Variants in RDH8 observed in about 807,000 individuals in gnomAD.
The protein encoded by RDH8 is photoreceptor outer segment all-trans retinol dehydrogenase.
Under a neutral mutation model 22.3 loss-of-function variants are expected in RDH8, and 14 were observed. The observed-to-expected ratio is 0.63, with a 90% CI of 0.42 to 0.98. The LOEUF is 0.98. RDH8 is among the 50% of genes least tolerant of loss of function. The pLI, the probability that RDH8 is intolerant of heterozygous loss-of-function variation, is 0.00. For synonymous variants in RDH8, 175 were observed against 171.7 expected (o/e 1.02, Z -0.15); for missense variants, 389 against 409.8 (o/e 0.95, Z 0.44).
chr19:10,017,136 C>CG lies in RDH8; in HGVS notation c.184dup (p.Val62GlyfsTer9). 1 of 1,611,342 alleles carries CG rather than the reference C, an allele frequency of 6.2e-7. No homozygotes were observed. Among genetic ancestry groups the CG allele is most frequent in the Non-Finnish European group, 8.5e-7 (1 of 1,178,260 alleles). On this transcript the variant is annotated frameshift_variant, in exon 2 of 6. Coordinates refer to ENST00000591589, the MANE Select transcript of RDH8 (RefSeq NM_015725.4). LOFTEE classifies it high-confidence loss of function. ...GGGAGGCTCTGGGGCAGACCCTCAC[C>CG]GTGGCCCAGCTGGACGTGTGCAGTG...
In RDH8 at chr19:10,017,105, C is replaced by T. The variant is rs1243515931; in HGVS notation, c.152C>T (p.Ala51Val). 6.2e-7 allele frequency: 1 copy of T among 1,604,826 alleles called. No homozygotes were observed. ...DLGKKETLEA[A>V]AGEALGQTLT... ...GGGAAGAAGGAGACACTGGAGGCAG[C>T]TGCTGGGGAGGCTCTGGGGCAGACC... Residue 51 changes from alanine (A) to valine (V), a missense_variant, in exon 2 of 6, where the codon GCT becomes GTT. Ala to Val is a moderately conservative substitution (Grantham distance 64). Coordinates refer to ENST00000591589, the MANE Select transcript of RDH8 (RefSeq NM_015725.4).
intron 3 of RDH8, among the ~76,000 whole-genome samples, chr19:10,020,131 A>C (rs1050609095): frequency 3.9e-5 from 6 of 151,924 alleles, no homozygotes; most frequent in African/African-American, 1.5e-4. Context: ...CCGCCAAAAA[A>C]AAATTAAATT....
In RDH8 at chr19:10,013,588, A is replaced by C; in HGVS notation, c.91A>C (p.Lys31Gln). The change falls in exon 1 of 6, where the codon AAG (lysine) becomes CAG (glutamine). Residue 31 changes from lysine (K) to glutamine (Q), a missense_variant. By Grantham distance (53) the Lys-to-Gln change is moderately conservative. Coordinates refer to ENST00000591589, the MANE Select transcript of RDH8 (RefSeq NM_015725.4). ...LAVQLAHDPKKRYQVVATMRD... is the reference protein window; with the variant it reads ...LAVQLAHDPKQRYQVVATMRD... The stretch of plus-strand genomic sequence containing the variant: ...AGTGCAACTGGCCCATGACCCCAAG[A>C]AGCGCTACCAGGGTAAGAAGTGCAG... 6.2e-7 allele frequency: 1 copy of C among 1,613,968 alleles called. No homozygotes were observed. Among genetic ancestry groups the C allele is most frequent in the Non-Finnish European group, 8.5e-7 (1 of 1,179,992 alleles).
intron 1 of RDH8, among the ~76,000 whole-genome samples, chr19:10,013,857 T>G (rs1438664797): frequency 6.6e-6 from 1 of 151,416 alleles, no homozygotes; most frequent in African/African-American, 2.4e-5. Context: ...AGAGGGAGAA[T>G]GGGTGATAAA....
chr19:10,017,245 G>T (rs1321647580), intron 2 of RDH8, 30 bp downstream of exon 2: 1 of 1,546,682 alleles, frequency 6.5e-7, no homozygotes, highest in Non-Finnish European at 8.8e-7. Context: ...GATTCACTAA[G>T]CCCCATCCTG....
intron 3 of RDH8, 37 bp downstream of exon 3, chr19:10,018,947 G>C (rs750905936): frequency 6.5e-7 from 1 of 1,546,622 alleles, no homozygotes; most frequent in Non-Finnish European, 8.8e-7. Context: ...AATCCCACCA[G>C]TGTCTGATCC....
At chr19:10,015,856 G>A (rs1341289362) in intron 1 of RDH8, among the ~76,000 whole-genome samples, 1 of 151,900 alleles carries the variant, frequency 6.6e-6, no homozygotes, top group Non-Finnish European at 1.5e-5. Context: ...GGAGGCTGAG[G>A]CAGGGGAATT....
chr19:10,018,860 G>C lies in RDH8; in HGVS notation c.392G>C (p.Arg131Thr). Reference sequence around the variant, plus strand: ...AAAGCTGTGCTTCCAGGCATGAAGAGGAGGCGGCAGGGCCACATCGTGGTG... The same window carrying C: ...AAAGCTGTGCTTCCAGGCATGAAGACGAGGCGGCAGGGCCACATCGTGGTG... ...LVKAVLPGMK[R>T]RRQGHIVVIS... Residue 131 changes from arginine (R) to threonine (T), a missense_variant, in exon 3 of 6, where the codon AGG becomes ACG. Transcript: ENST00000591589. 6.2e-7 allele frequency: 1 copy of C among 1,613,790 alleles called. No homozygotes were observed. Among genetic ancestry groups the C allele is most frequent in the Non-Finnish European group, 8.5e-7 (1 of 1,179,784 alleles).
intron 2 of RDH8, 52 bp downstream of exon 2, chr19:10,017,267 G>A (rs781359027): frequency 6.8e-7 from 1 of 1,471,704 alleles, no homozygotes; most frequent in Admixed American, 2.2e-5. Context: ...TCTGAGTATA[G>A]ACCCTCAATA....
intron 1 of RDH8, among the ~76,000 whole-genome samples, chr19:10,013,999 G>A (rs1215178083): frequency 6.6e-6 from 1 of 152,076 alleles, no homozygotes; most frequent in East Asian, 1.9e-4. Flanking sequence ...TCCTAGATTG[G>A]AATAATCACT....
chr19:10,020,838 C>T (rs1290196310), intron 4 of RDH8, 36 bp downstream of exon 4: 17 of 1,470,792 alleles, frequency 1.2e-5, no homozygotes, highest in Non-Finnish European at 1.5e-5. Context: ...GGCTTGGAGC[C>T]AGTGATGGGG....
Position 10,018,824 on chromosome 19 carries a change from T to C in RDH8, c.356T>C (p.Val119Ala). The C allele has an allele frequency of 6.2e-7, 1 of 1,613,940 alleles. No individual in the cohort carries two copies. The highest frequency in any genetic ancestry group is 1.1e-5 in the South Asian group (1 of 91,032). Residue 119 changes from valine to alanine, a missense_variant, in exon 3 of 6, where the codon GTC becomes GCC. Transcript: ENST00000591589. ...TTTGACACCAACTTTTTCGGAGCTGTCCGTCTCGTCAAAGCTGTGCTTCCA... is the reference window on the plus strand; with the variant it reads ...TTTGACACCAACTTTTTCGGAGCTGCCCGTCTCGTCAAAGCTGTGCTTCCA... Reference protein sequence around the residue: ...NVFDTNFFGAVRLVKAVLPGM... With the variant: ...NVFDTNFFGAARLVKAVLPGM...
chr19:10,017,019 G>A (rs1266430691), intron 1 of RDH8, 38 bp from the exon 2 acceptor site: 2 of 1,482,978 alleles, frequency 1.3e-6, no homozygotes, highest in Non-Finnish European at 1.8e-6. Context: ...GGGGAAAGGA[G>A]CTCAGTGCCT....
chr19:10,013,514 G>A lies in RDH8; in HGVS notation c.17G>A (p.Arg6Gln), dbSNP rs147164123. Residue 6 changes from arginine (R) to glutamine (Q), a missense_variant, in exon 1 of 6, where the codon CGG becomes CAG. Coordinates refer to ENST00000591589, the MANE Select transcript of RDH8 (RefSeq NM_015725.4). ...GGGATCAACATGGCCGCTGCACCCC[G>A]GACTGTGTTGATCTCCGGCTGCTCA... The part of the protein sequence containing the change: MAAAP[R>Q]TVLISGCSSG... 4.1e-5 allele frequency: 66 copies of A among 1,613,430 alleles called. No individual in the cohort carries two copies. The highest frequency in any genetic ancestry group is 1.6e-4 in the South Asian group (15 of 91,080).
chr19:10,021,175 T>TAAA, intron 4 of RDH8, 80 bp from the exon 5 acceptor site: 24 of 1,135,532 alleles, frequency 2.1e-5, no homozygotes, highest in Non-Finnish European at 2.8e-5. Flanking sequence ...CCCTGTATCT[T>TAAA]AAAAAAAAAA....
chr19:10,018,676 G>A lies in RDH8; in HGVS notation c.263-55G>A, dbSNP rs1167087321. 17 of 1,417,968 alleles carry A rather than the reference G, an allele frequency of 1.2e-5. 1 individual carries two copies. In the South Asian group the frequency reaches 1.9e-4, roughly 16 times the overall value. 87.8% of individuals were successfully genotyped at this position (1,417,968 alleles called of 1,614,324 possible). On this transcript the variant is annotated intron_variant, in intron 2 of 5. Transcript: ENST00000591589. ...GAGGTGCTTCAGGGAGTGTCTAGAA[G>A]TAATGCTAGAAGAGTGAGGGACTTT...
chr19:10,018,653 G>A, intron 2 of RDH8, 78 bp from the exon 3 acceptor site: 3 of 1,190,314 alleles, frequency 2.5e-6, no homozygotes, highest in Non-Finnish European at 3.5e-6. Context: ...TACGGGGTGA[G>A]GTGCTTCAGG....
At chr19:10,018,591 A>G (rs2087636365) in intron 2 of RDH8, 140 bp from the exon 3 acceptor site, 4 of 628,732 alleles carry the variant, frequency 6.4e-6, no homozygotes, top group African/African-American at 3.7e-5. Flanking sequence ...AAGGTTACCA[A>G]GGTTTCATAT....
Position 10,017,528 on chromosome 19 carries a change from G to A in RDH8, c.262+313G>A, listed in dbSNP as rs573868603. Among the ~76,000 whole-genome samples the A allele has an allele frequency of 1.1e-3, 174 of 152,320 alleles. 2 individuals are homozygous for A. Among genetic ancestry groups the A allele is most frequent in the Middle Eastern group, 6.8e-3 (2 of 294 alleles). On this transcript the variant is annotated intron_variant, in intron 2 of 5. Coordinates refer to ENST00000591589, the MANE Select transcript of RDH8 (RefSeq NM_015725.4). The stretch of plus-strand genomic sequence containing the variant: ...TTAAAAATTAGCCAGTCATAGTGGT[G>A]CATGCCTAATCCCAGCTACTCGGGA...
Sources: allele counts gnomAD v4.1 joint callset (sites outside exome capture counted in the v4.1 genomes callset), GRCh38; gene constraint gnomAD v4.1.1; transcripts MANE v1.5; gene names NCBI Gene and HGNC (gene_info 2026-07-23, HGNC 2026-07-21).